The following ZRANB3 variants were observed in gnomAD, a reference collection of about 807,000 sequenced individuals.
ZRANB3 encodes DNA annealing helicase and endonuclease ZRANB3.
Under a neutral mutation model 133.8 loss-of-function variants are expected in ZRANB3, and 125 were observed. The observed-to-expected ratio is 0.93, with a 90% CI of 0.81 to 1.08. The LOEUF (loss-of-function observed/expected upper bound fraction) is 1.08. Ranked by LOEUF, ZRANB3 falls within the 50% of genes least tolerant of loss-of-function variation. The probability of loss-of-function intolerance (pLI) is 0.00; values close to 1 mark genes in which losing one functional copy is unlikely to be tolerated. For synonymous variants in ZRANB3, 387 were observed against 432.7 expected (o/e 0.89, Z 1.31); for missense variants, 1,229 against 1,275.5 (o/e 0.96, Z 0.56).
Position 135,512,071 on chromosome 2 carries a change from G to A in ZRANB3, c.-7-7575C>T, listed in dbSNP as rs953391307. ...AGAAACCCCTCATGCAACTGTGTCC[G>A]CACCAGCAATACATAATTTTTAATA... is the stretch of plus-strand genomic sequence containing the variant. On this transcript the variant is annotated intron_variant, in intron 1 of 20. Coordinates refer to ENST00000264159, the MANE Select transcript of ZRANB3 (RefSeq NM_032143.4). 9.5e-5 allele frequency: 43 copies of A among 450,378 alleles called. 1 individual carries two copies. The highest frequency in any genetic ancestry group is 1.8e-4 in the African/African-American group (9 of 50,840). 27.9% of individuals were successfully genotyped at this position (450,378 alleles called of 1,614,324 possible).
intron 2 of ZRANB3, among the ~76,000 whole-genome samples, chr2:135,436,597 C>A (rs1385707304): frequency 6.6e-6 from 1 of 152,068 alleles, no homozygotes; most frequent in Admixed American, 6.6e-5. Flanking sequence ...CAAAACACTG[C>A]TCAAAGAGAT....
At chr2:135,375,916 A>T (rs1488518063) in intron 3 of ZRANB3, among the ~76,000 whole-genome samples, 1 of 152,178 alleles carries the variant, frequency 6.6e-6, no homozygotes, top group Non-Finnish European at 1.5e-5. Flanking sequence ...ACTCTCTCCC[A>T]AAAGATATAT....
chr2:135,274,625 T>C (rs1680695133), intron 9 of ZRANB3, among the ~76,000 whole-genome samples: 1 of 152,090 alleles, frequency 6.6e-6, no homozygotes, highest in Non-Finnish European at 1.5e-5. Context: ...TTATTTTTTA[T>C]TTATTTATTT....
intron 7 of ZRANB3, among the ~76,000 whole-genome samples, chr2:135,315,158 T>C (rs1184836022): frequency 6.6e-6 from 1 of 152,194 alleles, no homozygotes; most frequent in Non-Finnish European, 1.5e-5. Context: ...GGTTACCATA[T>C]CTTTTTATGC....
chr2:135,221,546 A>C (rs1484433917), intron 15 of ZRANB3, among the ~76,000 whole-genome samples: 1 of 152,178 alleles, frequency 6.6e-6, no homozygotes, highest in Non-Finnish European at 1.5e-5. Flanking sequence ...GTATAGAGTA[A>C]AAAAAGATTA....
At chr2:135,507,645 T>C (rs1228031760) in intron 1 of ZRANB3, among the ~76,000 whole-genome samples, 2 of 152,150 alleles carry the variant, frequency 1.3e-5, no homozygotes, top group African/African-American at 4.8e-5. Flanking sequence ...GTCTATCATC[T>C]TTATTCAAGA....
intron 8 of ZRANB3, among the ~76,000 whole-genome samples, chr2:135,310,024 C>G (rs969504640): frequency 6.6e-6 from 1 of 152,074 alleles, no homozygotes; most frequent in Non-Finnish European, 1.5e-5. Context: ...GCAACCTCCA[C>G]CTCCTGGGTT....
intron 12 of ZRANB3, among the ~76,000 whole-genome samples, chr2:135,244,815 T>TTA (rs1695715239): frequency 6.6e-6 from 1 of 152,192 alleles, no homozygotes; most frequent in African/African-American, 2.4e-5. Context: ...AGAATTCTCA[T>TTA]TATATGCTGA....
At chr2:135,441,670 G>A (rs1689785253) in intron 2 of ZRANB3, among the ~76,000 whole-genome samples, 1 of 151,916 alleles carries the variant, frequency 6.6e-6, no homozygotes, top group Non-Finnish European at 1.5e-5. Flanking sequence ...GAAATAGAGT[G>A]ATACTGGAAT....
intron 12 of ZRANB3, among the ~76,000 whole-genome samples, chr2:135,248,923 A>C (rs537951451): frequency 5.6e-4 from 84 of 151,344 alleles, no homozygotes; most frequent in African/African-American, 1.2e-3. Flanking sequence ...ACAACAACAA[A>C]AAAAAGTAGG....
chr2:135,525,001 A>G (rs1203594852), intron 1 of ZRANB3, among the ~76,000 whole-genome samples: 1 of 152,110 alleles, frequency 6.6e-6, no homozygotes, highest in Admixed American at 6.5e-5. Context: ...CATCACAAAT[A>G]AATTAGAAGC....
At chr2:135,418,542 A>G (rs1463894210) in intron 2 of ZRANB3, among the ~76,000 whole-genome samples, 1 of 152,212 alleles carries the variant, frequency 6.6e-6, no homozygotes, top group Non-Finnish European at 1.5e-5. Context: ...TACAGGAAAA[A>G]AGTCCAAAAG....
intron 1 of ZRANB3, among the ~76,000 whole-genome samples, chr2:135,513,944 G>A (rs1382373812): frequency 6.6e-6 from 1 of 152,174 alleles, no homozygotes; most frequent in Non-Finnish European, 1.5e-5. Flanking sequence ...GCAGATGGTT[G>A]TAGATGTGTA....
At position 135,208,910 on chromosome 2, in the gene ZRANB3, C is replaced by T. The variant is rs377722888; in HGVS notation, c.2564G>A (p.Arg855His). 311 of 1,613,850 alleles carry T rather than the reference C, an allele frequency of 1.9e-4. No individual in the cohort carries two copies. The highest frequency in any genetic ancestry group is 2.5e-4 in the Non-Finnish European group (297 of 1,179,878). Residue 855 changes from arginine (R) to histidine (H), a missense_variant, in exon 18 of 21, where the codon CGT becomes CAT. Transcript: ENST00000264159. ...TGGCCTGGACTCCTTTGTGATCAGA[C>T]GGACATGGCCCCCAACATTCTTCAC... ...DKVKNVGGHV[R>H]LITKESRPRD...
rs542618668 is a variant in ZRANB3, at chr2:135,464,069, T to G, written c.161+40260A>C. ...GAAAAACAGGTTGAATAGTAAAATCTCAAGGATCAAGGATGTGCTATGGTC... is the reference window on the plus strand; with the variant it reads ...GAAAAACAGGTTGAATAGTAAAATCGCAAGGATCAAGGATGTGCTATGGTC... On this transcript the variant is annotated intron_variant, in intron 2 of 20. Transcript: ENST00000264159. 2.0e-5 allele frequency among the ~76,000 whole-genome samples: 3 copies of G among 152,248 alleles called. No individual in the cohort carries two copies. In the East Asian group the frequency reaches 5.8e-4, roughly 29 times the overall value.
chr2:135,410,312 A>T (rs1688247544), intron 2 of ZRANB3, among the ~76,000 whole-genome samples: 2 of 152,176 alleles, frequency 1.3e-5, no homozygotes, highest in Admixed American at 1.3e-4. Context: ...AACAGGATAG[A>T]GAGCCCTGAA....
At chr2:135,298,450 T>C (rs1682267019) in intron 8 of ZRANB3, among the ~76,000 whole-genome samples, 1 of 152,134 alleles carries the variant, frequency 6.6e-6, no homozygotes, top group Admixed American at 6.5e-5. Context: ...GGGTAGACCA[T>C]GTCAGAGGAA....
intron 6 of ZRANB3, among the ~76,000 whole-genome samples, chr2:135,324,865 G>A (rs1410680112): frequency 1.3e-5 from 2 of 152,094 alleles, no homozygotes; most frequent in African/African-American, 2.4e-5. Flanking sequence ...TCTGTTGGCT[G>A]CATAAATGTC....
chr2:135,247,322 A>G (rs1037043334), intron 12 of ZRANB3, among the ~76,000 whole-genome samples: 1 of 152,136 alleles, frequency 6.6e-6, no homozygotes, highest in African/African-American at 2.4e-5. Context: ...CTAACTGAAA[A>G]AATAGATTTA....
Sources: gnomAD v4.1 joint callset for allele counts (sites outside exome capture counted in the v4.1 genomes callset) on GRCh38, gnomAD v4.1.1 for gene constraint, MANE v1.5 for transcripts, NCBI Gene and HGNC (gene_info 2026-07-23, HGNC 2026-07-21) for gene names.